Variants in POLR1A observed in about 807,000 individuals in gnomAD.
POLR1A encodes the protein DNA-directed RNA polymerase I subunit RPA1.
POLR1A carries 84 observed loss-of-function variants against 205.3 expected under a neutral mutation model. That is an observed-to-expected ratio of 0.41 (90% CI 0.34 to 0.49). The LOEUF (loss-of-function observed/expected upper bound fraction) is 0.49, where lower values mean the gene tolerates loss of function less well. Among genes scored for constraint, POLR1A ranks in the 20% least tolerant of loss-of-function variants. The pLI is 0.22. For synonymous variants in POLR1A, 799 were observed against 863.7 expected, an observed-to-expected ratio of 0.93 and a Z score of 1.31; for missense variants, 1,645 against 2,204.5, an observed-to-expected ratio of 0.75 and a Z score of 5.08.
rs1055141053 is a variant in POLR1A at position 86,028,163 on chromosome 2, G to A, written c.4898-114C>T. On this transcript the variant is annotated intron_variant, in intron 32 of 33. Coordinates refer to ENST00000263857, the MANE Select transcript of POLR1A (RefSeq NM_015425.6). This position sits in a 1 kb window ranked among gnomAD's most constrained non-coding sequence, Gnocchi z 4.5. ...ACATGGCTTGGGAGTTAGACTCTGG[G>A]GCTCCCCTTCAGCTCCGCCACCTGC... 3 of 1,018,706 alleles carry A rather than the reference G, an allele frequency of 2.9e-6. No individual in the cohort carries two copies. In the Admixed American group the frequency reaches 5.5e-5, roughly 19 times the overall value. The allele number at this position is 1,018,706 out of a possible 1,614,324, so 63.1% of individuals were successfully genotyped here.
At chr2:86,097,035 C>T (rs1032557389) in intron 3 of POLR1A, among the ~76,000 whole-genome samples, 3 of 151,672 alleles carry the variant, frequency 2.0e-5, no homozygotes, top group African/African-American at 7.3e-5. Context: ...AAATCCCAAA[C>T]AATTCGATTA....
intron 6 of POLR1A, among the ~76,000 whole-genome samples, chr2:86,085,499 A>T (rs991910143): frequency 1.3e-5 from 2 of 152,214 alleles, no homozygotes; most frequent in Non-Finnish European, 2.9e-5. Context: ...CAGTGGGAGA[A>T]AACAGACCCC....
At chr2:86,095,081 G>A (rs1673680894) in intron 3 of POLR1A, among the ~76,000 whole-genome samples, 1 of 152,228 alleles carries the variant, frequency 6.6e-6, no homozygotes, top group Admixed American at 6.5e-5. Context: ...CACATGTGCA[G>A]GGATCCCCTC....
chr2:86,075,774 C>T (rs140959740), intron 11 of POLR1A, among the ~76,000 whole-genome samples: 47 of 152,376 alleles, frequency 3.1e-4, no homozygotes, highest in African/African-American at 1.0e-3. Flanking sequence ...TCCCAAAGTG[C>T]TGGGATTACA....
At chr2:86,058,687 A>G (rs1005891193) in intron 14 of POLR1A, among the ~76,000 whole-genome samples, 2 of 152,058 alleles carry the variant, frequency 1.3e-5, no homozygotes, top group Non-Finnish European at 2.9e-5. Context: ...AAGGGCAGCA[A>G]TATCTATGGG....
chr2:86,098,668 C>G lies in POLR1A; in HGVS notation c.375G>C (p.Arg125Ser). 1 of 1,613,752 alleles carries G rather than the reference C, an allele frequency of 6.2e-7. No homozygotes were observed. ...AVIHLLLCQLRVLEVGALQAV... is the reference protein window; with the variant it reads ...AVIHLLLCQLSVLEVGALQAV... ...CTTGTAGGGCCCCGACTTCCAGAAC[C>G]CTCAGCTGGCAGAGTAAGAGGTGAA... The change falls in exon 3 of 34, where the codon AGG becomes AGC. Residue 125 changes from arginine to serine, a missense_variant. Around this residue, in one of 16 missense-constraint regions of POLR1A, gnomAD observed 330 missense variants for 375.6 expected, o/e 0.88. Transcript: ENST00000263857.
rs1672360709 is a variant in POLR1A, at chr2:86,030,265, A to G, written c.4710T>C (p.Asn1570=). Residue 1570 remains asparagine (N), a synonymous_variant, in exon 31 of 34, where the codon AAT becomes AAC. Coordinates refer to ENST00000263857, the MANE Select transcript of POLR1A (RefSeq NM_015425.6). ...TTAGCACAAGCTCCTTCTCGTTCTTATTGTTGGTTGTTTCATTCAGGAGGC... is the reference window on the plus strand; with the variant it reads ...TTAGCACAAGCTCCTTCTCGTTCTTGTTGTTGGTTGTTTCATTCAGGAGGC... ...TRCLLNETTN[N]KNEKELVLNT... 2 of 1,614,046 alleles carry G rather than the reference A, an allele frequency of 1.2e-6. No individual in the cohort carries two copies. The highest frequency in any genetic ancestry group is 4.5e-5 in the East Asian group (2 of 44,878).
chr2:86,042,260 C>T (rs1419724347), intron 23 of POLR1A, among the ~76,000 whole-genome samples, 157 bp from the exon 24 acceptor site: 7 of 152,204 alleles, frequency 4.6e-5, no homozygotes, highest in Admixed American at 4.6e-4. Context: ...GAGACTTCAA[C>T]CTGTCCTAGG....
chr2:86,094,285 T>A (rs1184672039), intron 3 of POLR1A, among the ~76,000 whole-genome samples: 6 of 152,240 alleles, frequency 3.9e-5, no homozygotes, highest in Admixed American at 2.0e-4. Flanking sequence ...TATATCAACA[T>A]AAAAGTAGGT....
Position 86,031,640 on chromosome 2 carries a change from C to T in POLR1A, c.4273-5G>A, listed in dbSNP as rs370722814. 1.9e-3 allele frequency: 3,129 copies of T among 1,605,016 alleles called. 5 individuals are homozygous for T. The highest frequency in any genetic ancestry group is 2.4e-3 in the Non-Finnish European group (2,873 of 1,174,622). Reference sequence around the variant, plus strand: ...TTCCTCACTCTCATAATCAACCTGGCAGAAAAGGGAGCACAGGCTGTGTCA... The same window carrying T: ...TTCCTCACTCTCATAATCAACCTGGTAGAAAAGGGAGCACAGGCTGTGTCA... On this transcript the variant is annotated splice_polypyrimidine_tract_variant and splice_region_variant and intron_variant, in intron 29 of 33. Coordinates refer to ENST00000263857, the MANE Select transcript of POLR1A (RefSeq NM_015425.6).
intron 31 of POLR1A, among the ~76,000 whole-genome samples, chr2:86,029,168 G>A (rs1171420200): frequency 2.0e-5 from 3 of 152,248 alleles, no homozygotes; most frequent in Non-Finnish European, 4.4e-5. Context: ...CGGCTGAGCT[G>A]TCTTGGAGGA....
At chr2:86,085,256 C>T (rs764560216) in intron 6 of POLR1A, among the ~76,000 whole-genome samples, 88 of 152,288 alleles carry the variant, frequency 5.8e-4, no homozygotes, top group Non-Finnish European at 9.4e-4. Context: ...CCACCGTGCC[C>T]GGCCCATGTC....
intron 15 of POLR1A, 86 bp from the exon 16 acceptor site, chr2:86,053,086 G>T (rs1009525671): frequency 3.0e-6 from 3 of 988,730 alleles, no homozygotes; most frequent in Non-Finnish European, 1.4e-6. Context: ...TGTGACCCTC[G>T]TTGTGCAAGT....
intron 3 of POLR1A, 139 bp downstream of exon 3, chr2:86,098,472 A>G (rs1025938035): frequency 2.5e-6 from 2 of 785,226 alleles, no homozygotes; most frequent in African/African-American, 3.6e-5. Flanking sequence ...ACACTCAGCT[A>G]TTGGTATCCA....
Position 86,070,349 on chromosome 2 carries a change from G to T in POLR1A, c.1612-77C>A. On this transcript the variant is annotated intron_variant, in intron 12 of 33. Coordinates refer to ENST00000263857, the MANE Select transcript of POLR1A (RefSeq NM_015425.6). The surrounding 1 kb of genome is among the most constrained non-coding windows in gnomAD (Gnocchi z 4.4). ...CGGCTCTTTCCAAGTGCTCACCTCAGCTTGACCAAGGTGTGGCTTTTGTCT... is the reference window on the plus strand; with the variant it reads ...CGGCTCTTTCCAAGTGCTCACCTCATCTTGACCAAGGTGTGGCTTTTGTCT... 6.8e-7 allele frequency: 1 copy of T among 1,461,988 alleles called. No individual in the cohort carries two copies. Among genetic ancestry groups the T allele is most frequent in the Non-Finnish European group, 9.3e-7 (1 of 1,080,450 alleles). 90.6% of individuals were successfully genotyped at this position (1,461,988 alleles called of 1,614,324 possible).
At chr2:86,045,155 TG>T in intron 21 of POLR1A, 122 bp downstream of exon 21, 1 of 660,948 alleles carries the variant, frequency 1.5e-6, no homozygotes, top group South Asian at 1.8e-5. Flanking sequence ...AGGCCATTCA[TG>T]GAAACTTTCC....
intron 3 of POLR1A, among the ~76,000 whole-genome samples, chr2:86,097,954 A>T (rs1673737200): frequency 6.6e-6 from 1 of 152,238 alleles, no homozygotes; most frequent in Non-Finnish European, 1.5e-5. Context: ...TCCTGATCTG[A>T]TCACTATACA....
intron 19 of POLR1A, among the ~76,000 whole-genome samples, chr2:86,046,146 A>G (rs912664750): frequency 9.2e-5 from 14 of 152,188 alleles, no homozygotes; most frequent in African/African-American, 2.7e-4. Flanking sequence ...AAGGGAACTC[A>G]GGGCCGGGTG....
chr2:86,053,630 G>A (rs903672169), intron 15 of POLR1A, among the ~76,000 whole-genome samples: 4 of 152,196 alleles, frequency 2.6e-5, no homozygotes, highest in Non-Finnish European at 4.4e-5. Context: ...TGGCAGTTTC[G>A]GGGTGAATGG....
Sources: allele counts gnomAD v4.1 joint callset (sites outside exome capture counted in the v4.1 genomes callset), GRCh38; gene constraint gnomAD v4.1.1; regional missense constraint gnomAD v4.1.1; non-coding constraint Gnocchi (gnomAD v3.1); transcripts MANE v1.5; gene names NCBI Gene and HGNC (gene_info 2026-07-23, HGNC 2026-07-21).